Variants in LSAMP observed in about 807,000 individuals in gnomAD.
LSAMP encodes the protein limbic system-associated membrane protein.
Under a neutral mutation model 38.6 loss-of-function variants are expected in LSAMP, and 7 were observed. The observed-to-expected ratio is 0.18, with a 90% CI of 0.10 to 0.34. The LOEUF (loss-of-function observed/expected upper bound fraction) is 0.34, where lower values mean the gene tolerates loss of function less well. Among genes scored for constraint, LSAMP ranks in the 10% least tolerant of loss-of-function variants. The pLI is 1.00. For synonymous variants in LSAMP, 154 were observed against 166.8 expected, an observed-to-expected ratio of 0.92 and a Z score of 0.59; for missense variants, 313 against 420.0, an observed-to-expected ratio of 0.75 and a Z score of 2.23.
At chr3:116,108,789 G>C (rs1475075133) in intron 1 of LSAMP, among the ~76,000 whole-genome samples, 1 of 152,126 alleles carries the variant, frequency 6.6e-6, no homozygotes, top group Non-Finnish European at 1.5e-5. Context: ...CAAGCTCCTG[G>C]GGGAGGAGGT....
intron 1 of LSAMP, among the ~76,000 whole-genome samples, chr3:116,355,052 A>G (rs1439775304): frequency 6.6e-6 from 1 of 152,124 alleles, no homozygotes; most frequent in Non-Finnish European, 1.5e-5. Flanking sequence ...AGCTCATTGT[A>G]TTAGCTATTG....
intron 1 of LSAMP, among the ~76,000 whole-genome samples, chr3:116,301,241 A>G (rs2047404597): frequency 6.6e-6 from 1 of 152,184 alleles, no homozygotes; most frequent in South Asian, 2.1e-4. Context: ...AAAGTATTTT[A>G]CCAAGGCTGA....
At chr3:116,058,990 T>C (rs1411711896) in intron 2 of LSAMP, among the ~76,000 whole-genome samples, 1 of 152,096 alleles carries the variant, frequency 6.6e-6, no homozygotes, top group Non-Finnish European at 1.5e-5. Flanking sequence ...TATGCTGTGC[T>C]AGACATCATG....
chr3:116,014,322 C>A (rs1940416757), intron 3 of LSAMP, among the ~76,000 whole-genome samples: 1 of 152,080 alleles, frequency 6.6e-6, no homozygotes, highest in Non-Finnish European at 1.5e-5. Context: ...GTAAATAATT[C>A]TTGCCAAATG....
chr3:116,277,812 G>C (rs1333485604), intron 1 of LSAMP, among the ~76,000 whole-genome samples: 1 of 152,134 alleles, frequency 6.6e-6, no homozygotes, highest in Non-Finnish European at 1.5e-5. Context: ...CGATTATTTA[G>C]AGAACCATGA....
intron 2 of LSAMP, among the ~76,000 whole-genome samples, chr3:116,079,206 C>A (rs1707817574): frequency 1.3e-5 from 2 of 152,212 alleles, no homozygotes. Context: ...AAGGTCCCAA[C>A]TTTCCCAGAT....
intron 1 of LSAMP, among the ~76,000 whole-genome samples, chr3:116,138,427 T>A (rs1362255697): frequency 1.3e-5 from 2 of 152,096 alleles, no homozygotes; most frequent in East Asian, 3.9e-4. Flanking sequence ...GAAATACAAT[T>A]TTTATAAATA....
At chr3:116,302,211 A>C (rs1482432123) in intron 1 of LSAMP, among the ~76,000 whole-genome samples, 1 of 152,250 alleles carries the variant, frequency 6.6e-6, no homozygotes, top group Non-Finnish European at 1.5e-5. Flanking sequence ...TATTTATTGC[A>C]GTACATTTTC....
chr3:116,109,806 AAG>A (rs1708557375), intron 1 of LSAMP, among the ~76,000 whole-genome samples: 4 of 151,790 alleles, frequency 2.6e-5, no homozygotes, highest in South Asian at 2.1e-4. Context: ...ACCTAGAGAA[AAG>A]AGAGCATAGA....
intron 1 of LSAMP, among the ~76,000 whole-genome samples, chr3:116,292,875 G>A (rs2047285780): frequency 6.6e-6 from 1 of 152,172 alleles, no homozygotes; most frequent in Non-Finnish European, 1.5e-5. Context: ...AAAATAATAT[G>A]AATGTGCAAT....
At chr3:115,847,878 C>T (rs546361800) in intron 4 of LSAMP, among the ~76,000 whole-genome samples, 1 of 152,324 alleles carries the variant, frequency 6.6e-6, no homozygotes, top group African/African-American at 2.4e-5. Flanking sequence ...TAGTTGGCCA[C>T]TGTTGGTGTG....
intron 1 of LSAMP, among the ~76,000 whole-genome samples, chr3:116,176,463 T>G (rs1710341834): frequency 2.0e-5 from 3 of 152,130 alleles, no homozygotes; most frequent in Admixed American, 6.6e-5. Flanking sequence ...CCTCAACCGC[T>G]GCCATGATCT....
At chr3:116,008,532 A>G (rs1169707357) in intron 3 of LSAMP, among the ~76,000 whole-genome samples, 3 of 152,216 alleles carry the variant, frequency 2.0e-5, no homozygotes, top group Admixed American at 6.5e-5. Flanking sequence ...AGCTACTGTC[A>G]TTCAGACTGC....
intron 3 of LSAMP, among the ~76,000 whole-genome samples, chr3:115,926,601 TC>T (rs1245524581): frequency 1.3e-5 from 2 of 152,020 alleles, no homozygotes; most frequent in Admixed American, 6.6e-5. Flanking sequence ...GATTTGGGAG[TC>T]CTGTGGGGGT....
At chr3:115,928,973 G>GTTTTTTTTTTTTTTTTT (rs67711628) in intron 3 of LSAMP, among the ~76,000 whole-genome samples, 109 of 109,902 alleles carry the variant, frequency 9.9e-4, no homozygotes, top group African/African-American at 1.6e-3. Flanking sequence ...TTTTTTGTTT[G>GTTTTTTTTTTTTTTTTT]TTTTTTTTTT....
intron 1 of LSAMP, among the ~76,000 whole-genome samples, chr3:116,437,593 A>G (rs1333182815): frequency 6.7e-6 from 1 of 149,700 alleles, no homozygotes; most frequent in Non-Finnish European, 1.5e-5. Flanking sequence ...GAGAGGGAAA[A>G]GGGGAGAGGA....
At chr3:115,912,907 G>C (rs1433398009) in intron 3 of LSAMP, among the ~76,000 whole-genome samples, 1 of 152,072 alleles carries the variant, frequency 6.6e-6, no homozygotes, top group African/African-American at 2.4e-5. Context: ...TACATCCTGA[G>C]GTCCCTACCT....
At chr3:115,918,974 T>G (rs1333775962) in intron 3 of LSAMP, among the ~76,000 whole-genome samples, 1 of 152,272 alleles carries the variant, frequency 6.6e-6, no homozygotes, top group South Asian at 2.1e-4. Flanking sequence ...AACTCAGACC[T>G]AATGGACTCA....
chr3:115,912,135 C>T (rs1937149197), intron 3 of LSAMP, among the ~76,000 whole-genome samples: 1 of 152,124 alleles, frequency 6.6e-6, no homozygotes, highest in African/African-American at 2.4e-5. Context: ...AGGTCTTTTG[C>T]AAAGCAGAAG....
Sources: allele counts gnomAD v4.1 joint callset (sites outside exome capture counted in the v4.1 genomes callset), GRCh38; gene constraint gnomAD v4.1.1; transcripts MANE v1.5; gene names NCBI Gene and HGNC (gene_info 2026-07-23, HGNC 2026-07-21).